SLC49A4: variants seen among roughly 807,000 people sequenced by gnomAD.
SLC49A4 encodes solute carrier family 49 member 4.
SLC49A4 carries 36 observed loss-of-function variants against 50.6 expected under a neutral mutation model. That is an observed-to-expected ratio of 0.71 (90% CI 0.55 to 0.94). The LOEUF (loss-of-function observed/expected upper bound fraction) is 0.94, where lower values mean the gene tolerates loss of function less well. Among genes scored for constraint, SLC49A4 ranks in the 40% least tolerant of loss-of-function variants. The probability of loss-of-function intolerance (pLI) is 0.00; values close to 1 mark genes in which losing one functional copy is unlikely to be tolerated. For synonymous variants in SLC49A4, 248 were observed against 241.2 expected (o/e 1.03, Z -0.26); for missense variants, 503 against 605.7 (o/e 0.83, Z 1.78).
At chr3:122,801,033 C>T (rs905979986) in intron 1 of SLC49A4, among the ~76,000 whole-genome samples, 5 of 152,268 alleles carry the variant, frequency 3.3e-5, no homozygotes, top group African/African-American at 1.2e-4. Flanking sequence ...TGGGCAAGTA[C>T]AGGCATGGGC....
Position 122,872,450 on chromosome 3 carries a change from T to G in SLC49A4, c.1174T>G (p.Phe392Val). Residue 392 changes from phenylalanine to valine, a missense_variant, in exon 8 of 9, where the codon TTC (phenylalanine) becomes GTC (valine). Transcript: ENST00000261038. ...TGCCTCCTGTATTCTCCTGGGAGTG[T>G]TCTTGAATAGCAGCGTGCCTATATT... ...LYASCILLGVFLNSSVPIFFE... is the reference protein window; with the variant it reads ...LYASCILLGVVLNSSVPIFFE... 1 of 1,613,840 alleles carries G rather than the reference T, an allele frequency of 6.2e-7. No homozygotes were observed. The highest frequency in any genetic ancestry group is 1.3e-5 in the African/African-American group (1 of 75,028).
chr3:122,863,898 CT>C (rs886634146), intron 7 of SLC49A4, among the ~76,000 whole-genome samples: 96 of 149,158 alleles, frequency 6.4e-4, no homozygotes, highest in Admixed American at 1.2e-3. Context: ...AAAACTTTGT[CT>C]TTTTTTTTTG....
At chr3:122,839,061 C>A (rs1472606768) in intron 4 of SLC49A4, among the ~76,000 whole-genome samples, 4 of 152,064 alleles carry the variant, frequency 2.6e-5, no homozygotes, top group Non-Finnish European at 4.4e-5. Flanking sequence ...TCCAATGGAA[C>A]AGAATAGAGA....
rs377561119 is a variant in SLC49A4 at position 122,879,642 on chromosome 3, C to T, written c.*264C>T. 2.4e-4 allele frequency: 72 copies of T among 305,292 alleles called. 1 individual carries two copies. Among genetic ancestry groups the T allele is most frequent in the African/African-American group, 1.5e-3 (71 of 46,036 alleles). 18.9% of individuals were successfully genotyped at this position (305,292 alleles called of 1,614,324 possible). On this transcript the variant is annotated 3_prime_UTR_variant, in exon 9 of 9. Coordinates refer to ENST00000261038, the MANE Select transcript of SLC49A4 (RefSeq NM_032839.3). ...GGGGTTGGAAGTGTGACTTCTTACA[C>T]ATAAAGCACTACCTAAGTAATTCTC...
At chr3:122,855,887 C>G (rs1936983222) in intron 5 of SLC49A4, among the ~76,000 whole-genome samples, 1 of 152,192 alleles carries the variant, frequency 6.6e-6, no homozygotes, top group South Asian at 2.1e-4. Context: ...TCTGTCTACT[C>G]TCTTGCTCAG....
At chr3:122,810,515 T>C (rs1433391642) in intron 2 of SLC49A4, among the ~76,000 whole-genome samples, 2 of 152,228 alleles carry the variant, frequency 1.3e-5, no homozygotes, top group African/African-American at 2.4e-5. Context: ...GGTGAACTTA[T>C]AGTAAGTTAT....
rs149314620 is a variant in SLC49A4, at chr3:122,805,904, A to G, written c.344-953A>G. On this transcript the variant is annotated intron_variant, in intron 1 of 8. Transcript: ENST00000261038. ...CTATGTGATCCACATTGTCTTCTAA[A>G]GTCCTAAGCCGTGATTTTTTTTAAC... Among the ~76,000 whole-genome samples, 1,218 of 152,348 alleles carry G rather than the reference A, an allele frequency of 8.0e-3. 9 individuals are homozygous for G. The highest frequency in any genetic ancestry group is 0.026 in the African/African-American group (1,068 of 41,574).
intron 5 of SLC49A4, among the ~76,000 whole-genome samples, chr3:122,848,623 G>A (rs1025224954): frequency 1.3e-4 from 19 of 151,836 alleles, no homozygotes; most frequent in African/African-American, 3.4e-4. Flanking sequence ...TTATTCTCAG[G>A]TATTTGATAC....
intron 8 of SLC49A4, 107 bp downstream of exon 8, chr3:122,872,704 C>A: frequency 1.4e-6 from 1 of 733,076 alleles, no homozygotes; most frequent in Non-Finnish European, 2.1e-6. Flanking sequence ...AGGCAAATTA[C>A]TTTATGTGAA....
chr3:122,865,780 A>T (rs1381298263), intron 7 of SLC49A4, among the ~76,000 whole-genome samples: 3 of 152,240 alleles, frequency 2.0e-5, no homozygotes, highest in Non-Finnish European at 4.4e-5. Context: ...ATGAAATAAA[A>T]GTTCAGTCAG....
intron 1 of SLC49A4, among the ~76,000 whole-genome samples, chr3:122,799,043 A>G (rs550374512): frequency 2.0e-5 from 3 of 152,256 alleles, no homozygotes; most frequent in Admixed American, 1.3e-4. Flanking sequence ...AGGACTAGCC[A>G]GAGAGGTAGT....
chr3:122,847,449 G>A (rs1013218170), intron 5 of SLC49A4, among the ~76,000 whole-genome samples: 9 of 149,900 alleles, frequency 6.0e-5, no homozygotes, highest in African/African-American at 2.2e-4. Flanking sequence ...CCGGGTTCAC[G>A]CCATTCTTCT....
intron 2 of SLC49A4, among the ~76,000 whole-genome samples, chr3:122,817,144 A>G (rs1936379293): frequency 6.6e-6 from 1 of 152,242 alleles, no homozygotes; most frequent in Non-Finnish European, 1.5e-5. Context: ...TATTTATCTG[A>G]TCTCCACATG....
intron 1 of SLC49A4, among the ~76,000 whole-genome samples, chr3:122,803,236 G>A (rs1936158900): frequency 6.6e-6 from 1 of 152,124 alleles, no homozygotes; most frequent in South Asian, 2.1e-4. Context: ...AGAGAGAGTA[G>A]GAATGATCTG....
At chr3:122,861,099 C>G (rs1937053894) in intron 7 of SLC49A4, among the ~76,000 whole-genome samples, 1 of 152,142 alleles carries the variant, frequency 6.6e-6, no homozygotes, top group Non-Finnish European at 1.5e-5. Context: ...TCTTCCTCTT[C>G]CACTTTTAAG....
intron 1 of SLC49A4, among the ~76,000 whole-genome samples, chr3:122,804,473 G>A (rs1936180694): frequency 6.6e-6 from 1 of 152,194 alleles, no homozygotes; most frequent in Admixed American, 6.5e-5. Context: ...TTCCCTTGAT[G>A]AGCTGATATC....
At chr3:122,797,923 G>A (rs973607731) in intron 1 of SLC49A4, among the ~76,000 whole-genome samples, 2 of 152,204 alleles carry the variant, frequency 1.3e-5, no homozygotes, top group Admixed American at 6.5e-5. Flanking sequence ...AGAGGCTGCA[G>A]TGAGCTATGA....
rs1937328324 is a variant in SLC49A4 at position 122,880,777 on chromosome 3, C to T, written c.*1399C>T. ...CAGGAAAGCTGGGCAGCACTGGGCCCTGCTCCTCTCTGCACCTGTGTGCGC... is the reference window on the plus strand; with the variant it reads ...CAGGAAAGCTGGGCAGCACTGGGCCTTGCTCCTCTCTGCACCTGTGTGCGC... On this transcript the variant is annotated 3_prime_UTR_variant, in exon 9 of 9. Coordinates refer to ENST00000261038, the MANE Select transcript of SLC49A4 (RefSeq NM_032839.3). 6.6e-6 allele frequency: 1 copy of T among 152,430 alleles called. No homozygotes were observed. Among genetic ancestry groups the T allele is most frequent in the African/African-American group, 2.4e-5 (1 of 41,446 alleles). The allele number at this position is 152,430 out of a possible 1,614,324, so 9.4% of individuals were successfully genotyped here.
intron 1 of SLC49A4, among the ~76,000 whole-genome samples, chr3:122,801,230 T>G (rs1424563663): frequency 6.6e-6 from 1 of 152,196 alleles, no homozygotes; most frequent in Non-Finnish European, 1.5e-5. Context: ...TCATTCCGTA[T>G]TTAATCAATA....
Sources: gnomAD v4.1 joint callset for allele counts (sites outside exome capture counted in the v4.1 genomes callset) on GRCh38, gnomAD v4.1.1 for gene constraint, MANE v1.5 for transcripts, NCBI Gene and HGNC (gene_info 2026-07-23, HGNC 2026-07-21) for gene names.